The following FBXL13 variants were observed in gnomAD, a reference collection of about 807,000 sequenced individuals.
FBXL13 encodes F-box and leucine-rich repeat protein 13.
FBXL13 carries 67 observed loss-of-function variants against 83.6 expected under a neutral mutation model. The observed-to-expected ratio is 0.80, with a 90% CI of 0.66 to 0.98. The LOEUF is 0.98. Among genes scored for constraint, FBXL13 ranks in the 50% least tolerant of loss-of-function variants. FBXL13 has a pLI of 0.00. For missense variants in FBXL13, 822 were observed against 866.5 expected (o/e 0.95, Z 0.64); for synonymous variants, 272 against 299.5 (o/e 0.91, Z 0.95).
intron 18 of FBXL13, among the ~76,000 whole-genome samples, chr7:102,832,283 T>G (rs558748257): frequency 9.2e-5 from 14 of 152,246 alleles, no homozygotes; most frequent in Non-Finnish European, 1.9e-4. Flanking sequence ...ACTGGAACAC[T>G]GTTTAACAGG....
intron 8 of FBXL13, among the ~76,000 whole-genome samples, chr7:102,935,454 A>T (rs979191324): frequency 6.6e-6 from 1 of 151,958 alleles, no homozygotes; most frequent in African/African-American, 2.4e-5. Context: ...AAAACAATAA[A>T]AATTTAAAGA....
At chr7:102,926,518 G>A in intron 9 of FBXL13, 144 bp from the exon 11 acceptor site, 1 of 613,354 alleles carries the variant, frequency 1.6e-6, no homozygotes, top group South Asian at 2.1e-5. Context: ...CTACTATTAG[G>A]TTGAAATGAA....
intron 1 of FBXL13, among the ~76,000 whole-genome samples, chr7:103,056,636 G>C (rs1363653242): frequency 2.0e-5 from 3 of 151,838 alleles, no homozygotes; most frequent in Non-Finnish European, 4.4e-5. Flanking sequence ...TTTTCTATTT[G>C]TAGTAGAGAC....
chr7:103,029,418 T>C (rs1365765027), exon 3 of FBXL13: 3 of 1,471,772 alleles, frequency 2.0e-6, no homozygotes, highest in African/African-American at 1.5e-5. Context: ...TCCGGAGTCA[T>C]CTAAAGTAAA....
intron 6 of FBXL13, among the ~76,000 whole-genome samples, chr7:103,020,793 T>G (rs912145830): frequency 1.3e-5 from 2 of 152,174 alleles, no homozygotes; most frequent in Non-Finnish European, 2.9e-5. Flanking sequence ...GAAGGACCTC[T>G]TCGAGGAGAA....
intron 2 of FBXL13, chr7:103,055,096 C>T: frequency 7.8e-7 from 1 of 1,282,938 alleles, no homozygotes; most frequent in South Asian, 1.2e-5. Flanking sequence ...ACCAGCTGAT[C>T]ATCCAATTCA....
At chr7:103,029,418 T>G in exon 3 of FBXL13, 1 of 1,471,890 alleles carries the variant, frequency 6.8e-7, no homozygotes, top group Non-Finnish European at 9.2e-7. Flanking sequence ...TCCGGAGTCA[T>G]CTAAAGTAAA....
chr7:102,830,408 G>T (rs963335987), intron 18 of FBXL13, among the ~76,000 whole-genome samples: 2 of 152,176 alleles, frequency 1.3e-5, no homozygotes, highest in Non-Finnish European at 2.9e-5. Flanking sequence ...ATGAACGCAA[G>T]AATCTCTGTG....
At chr7:103,045,925 A>G (rs916183789) in intron 2 of FBXL13, among the ~76,000 whole-genome samples, 1 of 152,212 alleles carries the variant, frequency 6.6e-6, no homozygotes, top group Admixed American at 6.5e-5. Flanking sequence ...CATTTCTTTC[A>G]GCTCGTCTTT....
intron 6 of FBXL13, among the ~76,000 whole-genome samples, chr7:102,972,414 T>C (rs540652009): frequency 1.9e-4 from 29 of 152,272 alleles, no homozygotes; most frequent in African/African-American, 6.7e-4. Context: ...AGTAAAATAG[T>C]AGAAATAGAA....
At chr7:102,867,847 C>G (rs1807973711) in intron 16 of FBXL13, among the ~76,000 whole-genome samples, 1 of 151,024 alleles carries the variant, frequency 6.6e-6, no homozygotes, top group Non-Finnish European at 1.5e-5. Context: ...ACTACAGGTG[C>G]CTGCCACCAT....
chr7:102,866,519 C>G (rs1173909621), intron 16 of FBXL13, among the ~76,000 whole-genome samples: 3 of 152,174 alleles, frequency 2.0e-5, no homozygotes, highest in African/African-American at 7.2e-5. Context: ...CACGGCAAAT[C>G]CATTTGTCTC....
intron 7 of FBXL13, among the ~76,000 whole-genome samples, chr7:102,964,404 A>ATATATATATATATATATTTTTTTTTTT: frequency 7.0e-6 from 1 of 143,268 alleles, no homozygotes; most frequent in African/African-American, 2.6e-5. Context: ...ATATATATAT[A>ATATATATATATATATATTTTTTTTTTT]TTTTTTTTTT....
intron 10 of FBXL13, among the ~76,000 whole-genome samples, chr7:102,921,703 AAAG>A (rs1817069879): frequency 6.6e-6 from 1 of 152,108 alleles, no homozygotes; most frequent in Non-Finnish European, 1.5e-5. Flanking sequence ...ATAAAAAATA[AAAG>A]AAGCTCTGTT....
chr7:102,932,354 C>T (rs1490660913), intron 8 of FBXL13, among the ~76,000 whole-genome samples: 2 of 151,988 alleles, frequency 1.3e-5, no homozygotes, highest in Non-Finnish European at 1.5e-5. Flanking sequence ...TCTATATAGC[C>T]ACTACTTGGA....
chr7:102,927,621 T>C (rs947681543), intron 9 of FBXL13, among the ~76,000 whole-genome samples: 7 of 152,176 alleles, frequency 4.6e-5, no homozygotes, highest in African/African-American at 1.7e-4. Context: ...AAGATTCTAT[T>C]TGAAGCTGTA....
intron 2 of FBXL13, among the ~76,000 whole-genome samples, chr7:103,032,439 T>C (rs1395019425): frequency 1.3e-5 from 2 of 152,210 alleles, no homozygotes; most frequent in African/African-American, 4.8e-5. Context: ...TCCATTATCC[T>C]GCCTTAGACA....
At chr7:102,945,032 C>T (rs1332086908) in intron 8 of FBXL13, 1 of 153,738 alleles carries the variant, frequency 6.5e-6, no homozygotes, top group Non-Finnish European at 1.4e-5. Context: ...AAATGTCATT[C>T]CCTACCCCTC....
chr7:102,857,314 A>G, intron 16 of FBXL13: 1 of 152,224 alleles, frequency 6.6e-6, no homozygotes, highest in East Asian at 1.9e-4. Context: ...GGGAGAAGAC[A>G]TGTGTGAACT....
Sources: allele counts gnomAD v4.1 joint callset (sites outside exome capture counted in the v4.1 genomes callset), GRCh38; gene constraint gnomAD v4.1.1; transcripts MANE v1.5; gene names NCBI Gene and HGNC (gene_info 2026-07-23, HGNC 2026-07-21).